ARB2A: variants seen among roughly 807,000 people sequenced by gnomAD.
The protein encoded by ARB2A is cotranscriptional regulator ARB2A.
At chr5:93,727,125 G>A in the ARB2A span, among the ~76,000 whole-genome samples, 1 of 151,934 alleles carries the variant, frequency 6.6e-6, no homozygotes, top group African/African-American at 2.4e-5. Flanking sequence ...GGGAAAAAGT[G>A]GCATAGAAAA....
the ARB2A span, among the ~76,000 whole-genome samples, chr5:93,785,631 C>G: frequency 6.6e-6 from 1 of 152,058 alleles, no homozygotes; most frequent in African/African-American, 2.4e-5. Context: ...TACATGCTGT[C>G]TCAATGAATA....
the ARB2A span, among the ~76,000 whole-genome samples, chr5:93,949,041 G>A: frequency 0.084 from 12,822 of 152,134 alleles, 759 homozygotes; most frequent in Middle Eastern, 0.16. Context: ...GATCATGTGT[G>A]GCCTTGGGTT....
At chr5:93,842,093 T>A in the ARB2A span, among the ~76,000 whole-genome samples, 1 of 152,134 alleles carries the variant, frequency 6.6e-6, no homozygotes, top group African/African-American at 2.4e-5. Context: ...GTTAGGAAAT[T>A]CTAGAAAAGC....
At chr5:93,935,197 A>G in the ARB2A span, among the ~76,000 whole-genome samples, 1 of 152,160 alleles carries the variant, frequency 6.6e-6, no homozygotes, top group Non-Finnish European at 1.5e-5. Context: ...GCAATCATGT[A>G]ACCAAACACC....
At chr5:93,704,576 C>T in the ARB2A span, among the ~76,000 whole-genome samples, 5 of 152,018 alleles carry the variant, frequency 3.3e-5, no homozygotes, top group African/African-American at 1.2e-4. Context: ...AACCACCCCC[C>T]AAAACAAACA....
At chr5:94,005,093 T>C in the ARB2A span, among the ~76,000 whole-genome samples, 1 of 139,566 alleles carries the variant, frequency 7.2e-6, no homozygotes, top group African/African-American at 2.7e-5. Flanking sequence ...AAAAGAGACA[T>C]GTTCACAGTA....
At chr5:93,745,118 A>G in the ARB2A span, among the ~76,000 whole-genome samples, 6 of 152,240 alleles carry the variant, frequency 3.9e-5, no homozygotes, top group African/African-American at 9.6e-5. Flanking sequence ...AGAATTCCCT[A>G]TTCTAAGGAG....
chr5:93,743,456 T>C, the ARB2A span: 1 of 740,736 alleles, frequency 1.4e-6, no homozygotes, highest in Non-Finnish European at 1.6e-6. Flanking sequence ...AAGATGACAG[T>C]CTATAAAAAA....
the ARB2A span, among the ~76,000 whole-genome samples, chr5:94,036,246 T>C: frequency 6.6e-6 from 1 of 152,312 alleles, no homozygotes; most frequent in South Asian, 2.1e-4. Flanking sequence ...TCAAAATTTG[T>C]ATATGGTCCA....
the ARB2A span, among the ~76,000 whole-genome samples, chr5:94,040,314 G>A: frequency 6.6e-6 from 1 of 151,884 alleles, no homozygotes; most frequent in Admixed American, 6.6e-5. Context: ...TGGGACTGCT[G>A]GAAAAGATCC....
the ARB2A span, among the ~76,000 whole-genome samples, chr5:94,061,921 A>G: frequency 6.6e-6 from 1 of 152,214 alleles, no homozygotes; most frequent in Non-Finnish European, 1.5e-5. Flanking sequence ...TTTTTTGCAG[A>G]TATAGACAAG....
chr5:93,790,060 A>G, the ARB2A span, among the ~76,000 whole-genome samples: 1 of 152,200 alleles, frequency 6.6e-6, no homozygotes, highest in African/African-American at 2.4e-5. Context: ...AGTTAAATTC[A>G]AGGACGGTGG....
the ARB2A span, among the ~76,000 whole-genome samples, chr5:93,852,899 T>C: frequency 6.6e-6 from 1 of 152,034 alleles, no homozygotes; most frequent in African/African-American, 2.4e-5. Context: ...GATGCCTCCC[T>C]CTTTGTTCTT....
the ARB2A span, among the ~76,000 whole-genome samples, chr5:93,654,243 A>T: frequency 6.6e-6 from 1 of 152,192 alleles, no homozygotes; most frequent in African/African-American, 2.4e-5. Flanking sequence ...AAAAGAGTTT[A>T]TGGTGACCAT....
chr5:93,797,572 A>T, the ARB2A span, among the ~76,000 whole-genome samples: 7 of 152,134 alleles, frequency 4.6e-5, no homozygotes, highest in Admixed American at 6.6e-5. Context: ...TCAGTAGTTC[A>T]CTAATTTAGA....
At chr5:93,762,911 A>G in the ARB2A span, among the ~76,000 whole-genome samples, 1 of 152,244 alleles carries the variant, frequency 6.6e-6, no homozygotes, top group Non-Finnish European at 1.5e-5. Flanking sequence ...ATTCTTAAAG[A>G]AAAGAATTTT....
the ARB2A span, among the ~76,000 whole-genome samples, chr5:93,954,779 C>A: frequency 6.6e-6 from 1 of 152,114 alleles, no homozygotes; most frequent in Non-Finnish European, 1.5e-5. Flanking sequence ...TTATTTAGCA[C>A]CCCAGAGCAC....
the ARB2A span, among the ~76,000 whole-genome samples, chr5:93,747,552 TAATC>T: frequency 2.0e-5 from 3 of 152,174 alleles, no homozygotes; most frequent in Non-Finnish European, 4.4e-5. Flanking sequence ...ACCTGACAAA[TAATC>T]AGACAGCATT....
At chr5:93,627,399 G>A in the ARB2A span, among the ~76,000 whole-genome samples, 3 of 151,452 alleles carry the variant, frequency 2.0e-5, no homozygotes, top group African/African-American at 4.9e-5. Flanking sequence ...ATCCATCAGA[G>A]GAATCACTAT....
Sources: allele counts gnomAD v4.1 joint callset (sites outside exome capture counted in the v4.1 genomes callset), GRCh38; gene constraint gnomAD v4.1.1; transcripts MANE v1.5; gene names NCBI Gene and HGNC (gene_info 2026-07-23, HGNC 2026-07-21).